Variants in STAG1 observed in about 807,000 individuals in gnomAD.
The protein encoded by STAG1 is cohesin subunit SA-1.
A neutral mutation model predicts 170.9 loss-of-function variants in STAG1; 26 were observed. That is an observed-to-expected ratio of 0.15 (90% CI 0.11 to 0.21). The LOEUF (loss-of-function observed/expected upper bound fraction) is 0.21, where lower values mean the gene tolerates loss of function less well. Ranked by LOEUF, STAG1 falls within the 10% of genes least tolerant of loss-of-function variation. STAG1 has a pLI of 1.00. For missense variants in STAG1, 964 were observed against 1,509.5 expected, an observed-to-expected ratio of 0.64 and a Z score of 5.99; for synonymous variants, 514 against 497.7, an observed-to-expected ratio of 1.03 and a Z score of -0.44.
At chr3:136,421,479 A>G (rs570190885) in intron 19 of STAG1, among the ~76,000 whole-genome samples, 94 of 152,330 alleles carry the variant, frequency 6.2e-4, no homozygotes, top group African/African-American at 2.2e-3. Flanking sequence ...ATTTATTGTC[A>G]GTCACTTTTG....
At chr3:136,490,482 GCTAT>G (rs1453284143) in intron 9 of STAG1, among the ~76,000 whole-genome samples, 5 of 152,096 alleles carry the variant, frequency 3.3e-5, no homozygotes, top group African/African-American at 4.8e-5. Context: ...AAGGTGTATG[GCTAT>G]CTGTTACCCT....
At chr3:136,549,599 C>G (rs977198254) in intron 5 of STAG1, among the ~76,000 whole-genome samples, 1 of 151,944 alleles carries the variant, frequency 6.6e-6, no homozygotes, top group African/African-American at 2.4e-5. Context: ...CCATGCCCAG[C>G]CTGGTTTTCT....
chr3:136,352,669 G>T (rs1225447830), intron 28 of STAG1, among the ~76,000 whole-genome samples: 3 of 152,036 alleles, frequency 2.0e-5, no homozygotes, highest in Non-Finnish European at 4.4e-5. Flanking sequence ...CTTTAATGGT[G>T]AGTACCTATA....
At chr3:136,532,812 T>C (rs1258598519) in intron 6 of STAG1, among the ~76,000 whole-genome samples, 1 of 152,184 alleles carries the variant, frequency 6.6e-6, no homozygotes, top group Non-Finnish European at 1.5e-5. Flanking sequence ...GGTAACATCA[T>C]ACTGAATGGG....
intron 4 of STAG1, among the ~76,000 whole-genome samples, chr3:136,577,328 T>C (rs1034108343): frequency 2.0e-5 from 3 of 152,186 alleles, no homozygotes; most frequent in African/African-American, 7.2e-5. Flanking sequence ...ATCAAGCCAA[T>C]AAAATCTAAT....
chr3:136,383,971 AAAG>A (rs1303695657), intron 22 of STAG1, among the ~76,000 whole-genome samples: 45 of 147,808 alleles, frequency 3.0e-4, no homozygotes, highest in Admixed American at 5.5e-4. Context: ...AAAAAAAAAA[AAAG>A]AAACAGAAAC....
intron 1 of STAG1, among the ~76,000 whole-genome samples, chr3:136,731,051 T>C (rs1216577298): frequency 6.6e-6 from 1 of 152,204 alleles, no homozygotes; most frequent in Non-Finnish European, 1.5e-5. Context: ...CTGGGCTATA[T>C]ATCACAGCTC....
At chr3:136,700,931 G>C (rs1301608194) in intron 1 of STAG1, among the ~76,000 whole-genome samples, 19 of 139,570 alleles carry the variant, frequency 1.4e-4, no homozygotes, top group Non-Finnish European at 2.7e-4. Context: ...ACCCAGGCTG[G>C]AGTGCAGCGG....
rs181655197 is a variant in STAG1 at position 136,734,185 on chromosome 3, C to G, written c.-84+18010G>C. 1.6e-3 allele frequency among the ~76,000 whole-genome samples: 250 copies of G among 151,870 alleles called. 3 individuals carry two copies. The highest frequency in any genetic ancestry group is 1.5e-3 in the East Asian group (8 of 5,168). ...GCACACTTGCCAGTTTGTACTGTCTCTGCTAAAGAATAGGGGCTGACTACC... is the reference window on the plus strand; with the variant it reads ...GCACACTTGCCAGTTTGTACTGTCTGTGCTAAAGAATAGGGGCTGACTACC... On this transcript the variant is annotated intron_variant, in intron 1 of 33. Coordinates refer to ENST00000383202, the MANE Select transcript of STAG1 (RefSeq NM_005862.3).
At chr3:136,464,169 A>G (rs1270483785) in intron 13 of STAG1, among the ~76,000 whole-genome samples, 1 of 152,050 alleles carries the variant, frequency 6.6e-6, no homozygotes, top group South Asian at 2.1e-4. Context: ...CATGCCTGTA[A>G]TCCCAGCAGT....
Position 136,443,360 on chromosome 3 carries a change from G to A in STAG1, c.1473C>T (p.Ser491=), listed in dbSNP as rs759469109. 7.4e-6 allele frequency: 12 copies of A among 1,613,784 alleles called. No homozygotes were observed. The highest frequency in any genetic ancestry group is 9.3e-6 in the Non-Finnish European group (11 of 1,179,912). ...AAYLVDSLWE[S]SQELLKDWEC... is the part of the protein sequence containing the mutation. ...CCCAGTCTTTCAACAGTTCTTGAGA[G>A]CTCTCCCATAAACTGTCCACCAAGT... is the stretch of plus-strand genomic sequence containing the variant. The change falls in exon 15 of 34, where the codon AGC becomes AGT. Residue 491 remains serine, a synonymous_variant. Transcript: ENST00000383202.
At position 136,534,597 on chromosome 3, in the gene STAG1, T is replaced by C. The variant is rs530249281; in HGVS notation, c.471+7522A>G. Among the ~76,000 whole-genome samples, 3 of 152,116 alleles carry C rather than the reference T, an allele frequency of 2.0e-5. No homozygotes were observed. In the East Asian group the frequency reaches 5.8e-4, roughly 29 times the overall value. On this transcript the variant is annotated intron_variant, in intron 6 of 33. Transcript: ENST00000383202. Reference sequence around the variant, plus strand: ...TTAAAAAGTGAGCAAAGCACATGAATAGTCAATTCTCAAAAGAAAACTTAA... The same window carrying C: ...TTAAAAAGTGAGCAAAGCACATGAACAGTCAATTCTCAAAAGAAAACTTAA...
chr3:136,369,382 G>A (rs1937203873), intron 23 of STAG1, 100 bp from the exon 24 acceptor site: 1 of 827,438 alleles, frequency 1.2e-6, no homozygotes, highest in Non-Finnish European at 1.7e-6. Context: ...TTTAATAGCA[G>A]TACCATAATA....
chr3:136,378,016 T>C (rs1463552787), intron 22 of STAG1, among the ~76,000 whole-genome samples: 1 of 152,186 alleles, frequency 6.6e-6, no homozygotes, highest in East Asian at 1.9e-4. Context: ...CCTTTATAAA[T>C]ATGGTTTATT....
At chr3:136,476,240 C>T (rs1237908450) in intron 10 of STAG1, among the ~76,000 whole-genome samples, 1 of 152,202 alleles carries the variant, frequency 6.6e-6, no homozygotes, top group Non-Finnish European at 1.5e-5. Flanking sequence ...AATACACAGA[C>T]CTTCCTCCTG....
At chr3:136,665,101 C>T (rs1404190342) in intron 1 of STAG1, among the ~76,000 whole-genome samples, 2 of 152,146 alleles carry the variant, frequency 1.3e-5, no homozygotes, top group African/African-American at 4.8e-5. Context: ...TGTCCCAACA[C>T]TTATTTTGGA....
intron 9 of STAG1, among the ~76,000 whole-genome samples, chr3:136,478,535 G>C (rs947698161): frequency 3.9e-5 from 6 of 152,064 alleles, no homozygotes; most frequent in African/African-American, 1.4e-4. Flanking sequence ...ATTCACAAAT[G>C]TTAAAATTTT....
At chr3:136,468,479 G>C (rs1469417020) in intron 12 of STAG1, among the ~76,000 whole-genome samples, 1 of 152,092 alleles carries the variant, frequency 6.6e-6, no homozygotes, top group Non-Finnish European at 1.5e-5. Context: ...TCCCTGAATA[G>C]ACCAATAACA....
chr3:136,467,990 G>C (rs897544324), intron 12 of STAG1, among the ~76,000 whole-genome samples: 1 of 152,156 alleles, frequency 6.6e-6, no homozygotes, highest in Non-Finnish European at 1.5e-5. Flanking sequence ...CTGAATCTTT[G>C]GGACACACTG....
Sources: gnomAD v4.1 joint callset for allele counts (sites outside exome capture counted in the v4.1 genomes callset) on GRCh38, gnomAD v4.1.1 for gene constraint, MANE v1.5 for transcripts, NCBI Gene and HGNC (gene_info 2026-07-23, HGNC 2026-07-21) for gene names.